OLFM4: variants seen among roughly 807,000 people sequenced by gnomAD.
OLFM4 encodes the protein olfactomedin 4.
OLFM4 carries 22 observed loss-of-function variants against 25.5 expected under a neutral mutation model. That is an observed-to-expected ratio of 0.86 (90% confidence interval 0.62 to 1.23). The LOEUF is 1.23. OLFM4 is among the 50% of genes most tolerant of loss of function. The pLI is 0.00. For missense variants in OLFM4, 594 were observed against 619.4 expected (o/e 0.96, Z 0.44); for synonymous variants, 255 against 237.7 (o/e 1.07, Z -0.67).
chr13:53,047,071 T>G (rs1180446185), intron 4 of OLFM4, among the ~76,000 whole-genome samples: 2 of 152,232 alleles, frequency 1.3e-5, no homozygotes, highest in African/African-American at 4.8e-5. Flanking sequence ...CTCCTGACAG[T>G]TCTGTGCTGT....
intron 1 of OLFM4, among the ~76,000 whole-genome samples, chr13:53,030,783 C>T (rs1954625081): frequency 6.6e-6 from 1 of 152,104 alleles, no homozygotes; most frequent in South Asian, 2.1e-4. Flanking sequence ...TTCTATATTT[C>T]CAAGGAGTAT....
chr13:53,040,596 T>C (rs889110296), intron 2 of OLFM4, among the ~76,000 whole-genome samples: 1 of 152,194 alleles, frequency 6.6e-6, no homozygotes, highest in Non-Finnish European at 1.5e-5. Context: ...CAGGGAACAT[T>C]TAGCAATGCC....
At chr13:53,043,364 G>C in intron 4 of OLFM4, 100 bp downstream of exon 4, 1 of 830,648 alleles carries the variant, frequency 1.2e-6, no homozygotes, top group Non-Finnish European at 1.7e-6. Flanking sequence ...AAAGAAGAAG[G>C]TGGGTTGTTT....
intron 4 of OLFM4, among the ~76,000 whole-genome samples, chr13:53,047,687 T>C (rs1954722650): frequency 6.6e-6 from 1 of 152,138 alleles, no homozygotes. Flanking sequence ...CTATTACTAT[T>C]AGTAGTAGTA....
chr13:53,030,809 ATTT>A (rs1954625229), intron 1 of OLFM4, among the ~76,000 whole-genome samples: 1 of 152,128 alleles, frequency 6.6e-6, no homozygotes, highest in Non-Finnish European at 1.5e-5. Context: ...AAAATTGCTT[ATTT>A]TTTAGTTAGA....
rs578243517 is a variant in OLFM4, at chr13:53,041,891, C to A, written c.358-19C>A. On this transcript the variant is annotated intron_variant, in intron 2 of 4. Transcript: ENST00000219022. ...ATACTACTCAGGGAATTGGCTTGAA[C>A]CTTTTGATTTTCTTTCAGGTGAGGG... The A allele has an allele frequency of 2.5e-6, 4 of 1,597,500 alleles. No homozygotes were observed. The highest frequency in any genetic ancestry group is 4.5e-5 in the East Asian group (2 of 44,770).
intron 2 of OLFM4, among the ~76,000 whole-genome samples, chr13:53,040,487 G>A (rs1457534162): frequency 6.6e-6 from 1 of 152,210 alleles, no homozygotes; most frequent in African/African-American, 2.4e-5. Context: ...AAGGAATTCG[G>A]CATAGCGCAT....
chr13:53,037,240 G>A (rs562844307), intron 2 of OLFM4, among the ~76,000 whole-genome samples: 1 of 152,308 alleles, frequency 6.6e-6, no homozygotes, highest in South Asian at 2.1e-4. Flanking sequence ...CTTTTCTGTT[G>A]TTTACGGTAT....
rs760106634 is a variant in OLFM4, at chr13:53,050,096, A to T, written c.858A>T (p.Gly286=). The change falls in exon 5 of 5, where the codon GGA becomes GGT. Residue 286 remains glycine (G), a synonymous_variant. Transcript: ENST00000219022. Reference sequence around the variant, plus strand: ...ACTCTCCCCAGCATCCAAACAAAGGACTGTATTGGGTGGCGCCATTGAATA... The same window carrying T: ...ACTCTCCCCAGCATCCAAACAAAGGTCTGTATTGGGTGGCGCCATTGAATA... ...RDYSPQHPNK[G]LYWVAPLNTD... 9.3e-6 allele frequency: 15 copies of T among 1,613,824 alleles called. No individual in the cohort carries two copies.
intron 1 of OLFM4, 23 bp downstream of exon 1, chr13:53,029,063 A>G: frequency 6.2e-7 from 1 of 1,612,856 alleles, no homozygotes; most frequent in Non-Finnish European, 8.5e-7. Context: ...CAGAATCTGA[A>G]TGAGCTGCAT....
chr13:53,029,783 T>C (rs188120820), intron 1 of OLFM4, among the ~76,000 whole-genome samples: 143 of 152,126 alleles, frequency 9.4e-4, no homozygotes, highest in Non-Finnish European at 1.4e-3. Context: ...AGTCATGCAT[T>C]ACAACGAGGC....
chr13:53,034,605 A>T, intron 2 of OLFM4, 105 bp downstream of exon 2: 1 of 1,000,326 alleles, frequency 1.0e-6, no homozygotes, highest in African/African-American at 1.6e-5. Flanking sequence ...CAAAGACATC[A>T]CGTTTTTATT....
chr13:53,032,659 A>C (rs1276309994), intron 1 of OLFM4, among the ~76,000 whole-genome samples: 1 of 152,192 alleles, frequency 6.6e-6, no homozygotes, highest in Non-Finnish European at 1.5e-5. Flanking sequence ...TTGGAAAAGA[A>C]AATTGAGACC....
chr13:53,034,595 C>T, intron 2 of OLFM4, 95 bp downstream of exon 2: 2 of 1,066,830 alleles, frequency 1.9e-6, no homozygotes, highest in Non-Finnish European at 2.7e-6. Flanking sequence ...TCTTCACTAT[C>T]AAAGACATCA....
intron 2 of OLFM4, among the ~76,000 whole-genome samples, chr13:53,035,288 T>C (rs7993343): frequency 0.98 from 149,311 of 151,848 alleles, 73,418 homozygotes; most frequent in East Asian, 1. Context: ...CCAAGTGAAA[T>C]CCAAGGTTGT....
intron 1 of OLFM4, 25 bp downstream of exon 1, chr13:53,029,065 G>A (rs1174521007): frequency 6.2e-7 from 1 of 1,612,712 alleles, no homozygotes. Flanking sequence ...GAATCTGAAT[G>A]AGCTGCATTC....
At chr13:53,038,298 T>A (rs1396154979) in intron 2 of OLFM4, among the ~76,000 whole-genome samples, 1 of 152,106 alleles carries the variant, frequency 6.6e-6, no homozygotes, top group Non-Finnish European at 1.5e-5. Context: ...CTTTTCTAGA[T>A]CAAAATACAG....
intron 1 of OLFM4, among the ~76,000 whole-genome samples, chr13:53,030,428 G>C (rs1954623092): frequency 6.6e-6 from 1 of 152,066 alleles, no homozygotes; most frequent in Non-Finnish European, 1.5e-5. Flanking sequence ...TCAGCCTCCT[G>C]AGTAGCTGGG....
intron 2 of OLFM4, among the ~76,000 whole-genome samples, chr13:53,041,675 A>C (rs1954687482): frequency 6.6e-6 from 1 of 152,254 alleles, no homozygotes; most frequent in Non-Finnish European, 1.5e-5. Context: ...ATGCTGAAGC[A>C]AAATTATGTT....
Sources: allele counts gnomAD v4.1 joint callset (sites outside exome capture counted in the v4.1 genomes callset), GRCh38; gene constraint gnomAD v4.1.1; transcripts MANE v1.5; gene names NCBI Gene and HGNC (gene_info 2026-07-23, HGNC 2026-07-21).